RGL3: variants seen among roughly 807,000 people sequenced by gnomAD.
The protein encoded by RGL3 is ral guanine nucleotide dissociation stimulator like 3, also known as ral guanine nucleotide dissociation stimulator-like 3.
A neutral mutation model predicts 90.6 loss-of-function variants in RGL3; 85 were observed. The ratio of observed to expected loss-of-function variants is 0.94; its 90% CI spans 0.79 to 1.12. RGL3 has a LOEUF of 1.12. Among genes scored for constraint, RGL3 ranks in the 50% most tolerant of loss-of-function variants. The pLI is 0.00. For synonymous variants in RGL3, 408 were observed against 385.5 expected, an observed-to-expected ratio of 1.06 and a Z score of -0.68; for missense variants, 1,034 against 939.2, an observed-to-expected ratio of 1.10 and a Z score of -1.32.
Position 11,418,747 on chromosome 19 carries a change from C to G in RGL3, c.71G>C (p.Gly24Ala), listed in dbSNP as rs370581202. 2 of 1,574,668 alleles carry G rather than the reference C, an allele frequency of 1.3e-6. No homozygotes were observed. The highest frequency in any genetic ancestry group is 1.7e-6 in the Non-Finnish European group (2 of 1,164,338). ...LQDWGEETEDGAVYSVSLRRQ... is the reference protein window; with the variant it reads ...LQDWGEETEDAAVYSVSLRRQ... ...CCGCAGGGAGACACTGTACACCGCG[C>G]CGTCCTCGGTCTCTTCACCCCAGTC... Residue 24 changes from glycine to alanine, a missense_variant, in exon 2 of 19, where the codon GGC (glycine) becomes GCC (alanine). Coordinates refer to ENST00000380456, the MANE Select transcript of RGL3 (RefSeq NM_001035223.4).
chr19:11,407,687 C>A (rs62131148), intron 5 of RGL3, among the ~76,000 whole-genome samples: 9 of 146,610 alleles, frequency 6.1e-5, no homozygotes, highest in Admixed American at 2.7e-4. Context: ...CCTCTCTGTG[C>A]CTTTTTTTTT....
At chr19:11,418,650 C>T in intron 2 of RGL3, 21 bp downstream of exon 2, 1 of 1,522,266 alleles carries the variant, frequency 6.6e-7, no homozygotes. Context: ...CCCCGCGCCA[C>T]CCACCAAACC....
In RGL3 at chr19:11,418,653, ACCAAACCCCCT is replaced by A; in HGVS notation, c.147+7_147+17del. The A allele has an allele frequency of 6.5e-7, 1 of 1,527,486 alleles. No individual in the cohort carries two copies. The highest frequency in any genetic ancestry group is 8.8e-7 in the Non-Finnish European group (1 of 1,139,360). The allele number at this position is 1,527,486 out of a possible 1,614,324, so 94.6% of individuals were successfully genotyped here. A position where few individuals can be genotyped will look rare whatever the true frequency, so the allele number is the denominator to read the frequency against. ...GGTCGCTTCCGGCCCCGCGCCACCC[ACCAAACCCCCT>A]CCTCACCTGGCTGCCCCCGGGGCCC... is the stretch of plus-strand genomic sequence containing the variant. On this transcript the variant is annotated splice_region_variant and intron_variant, in intron 2 of 18. Transcript: ENST00000380456.
At chr19:11,409,243 G>A (rs909607722) in intron 5 of RGL3, among the ~76,000 whole-genome samples, 3 of 151,932 alleles carry the variant, frequency 2.0e-5, no homozygotes, top group African/African-American at 4.8e-5. Context: ...CACTTTGGGA[G>A]GCCAAGGCGG....
In RGL3 at chr19:11,397,295, G is replaced by A; in HGVS notation, c.1963C>T (p.Gln655Ter). The A allele has an allele frequency of 6.2e-7, 1 of 1,613,258 alleles. No individual in the cohort carries two copies. Among genetic ancestry groups the A allele is most frequent in the South Asian group, 1.1e-5 (1 of 90,978 alleles). Residue 655 changes from glutamine (Q) to a stop codon, truncating the protein, a stop_gained, in exon 18 of 19, where the codon CAG becomes TAG. Transcript: ENST00000380456. LOFTEE classifies it high-confidence loss of function. ...AGCTGATAGTCACAGGCCCAGGGCT[G>A]GGGCACATTGTGCTTCTGCAAGGCT... ...RRALQKHNVP[Q>*]PWACDYQLFQ...
At chr19:11,409,478 C>T (rs1968838481) in intron 5 of RGL3, among the ~76,000 whole-genome samples, 1 of 147,002 alleles carries the variant, frequency 6.8e-6, no homozygotes, top group Non-Finnish European at 1.5e-5. Context: ...GAGACTCCAT[C>T]TCAAAAAACA....
At chr19:11,409,218 C>T (rs998104398) in intron 5 of RGL3, among the ~76,000 whole-genome samples, 3 of 150,964 alleles carry the variant, frequency 2.0e-5, no homozygotes, top group African/African-American at 7.3e-5. Flanking sequence ...CAGTGGCTCA[C>T]GCCTGTAATC....
Position 11,417,105 on chromosome 19 carries a change from A to G in RGL3, c.148-46T>C, listed in dbSNP as rs116947576. 3.6e-3 allele frequency: 4,977 copies of G among 1,397,808 alleles called. 28 individuals carry two copies. Among genetic ancestry groups the G allele is most frequent in the East Asian group, 0.024 (1,035 of 43,070 alleles). The allele number at this position is 1,397,808 out of a possible 1,614,324, so 86.6% of individuals were successfully genotyped here. A position where few individuals can be genotyped will look rare whatever the true frequency, so the allele number is the denominator to read the frequency against. On this transcript the variant is annotated intron_variant, in intron 2 of 18. Coordinates refer to ENST00000380456, the MANE Select transcript of RGL3 (RefSeq NM_001035223.4). ...CCATGAGAGAGCAGGAGTGGTCCTC[A>G]CAGCACCCCTTCTCTAGTCACATTC...
At chr19:11,407,059 G>C (rs544041868) in intron 5 of RGL3, 195 bp from the exon 6 acceptor site, 21 of 513,316 alleles carry the variant, frequency 4.1e-5, no homozygotes, top group Non-Finnish European at 5.1e-5. Flanking sequence ...AATCTCAGCT[G>C]ACCACAACCT....
At chr19:11,394,672 T>C in intron 18 of RGL3, 152 bp from the exon 19 acceptor site, 2 of 629,140 alleles carry the variant, frequency 3.2e-6, no homozygotes, top group Non-Finnish European at 2.9e-6. Context: ...CTGCTGTCAC[T>C]GGGAACCTGG....
chr19:11,407,158 G>A (rs1204368780), intron 5 of RGL3, among the ~76,000 whole-genome samples: 1 of 151,948 alleles, frequency 6.6e-6, no homozygotes, highest in Non-Finnish European at 1.5e-5. Context: ...GCTAATTTTT[G>A]TATTTTTAAT....
chr19:11,409,181 A>G (rs1008084009), intron 5 of RGL3, among the ~76,000 whole-genome samples: 21 of 151,086 alleles, frequency 1.4e-4, no homozygotes, highest in Non-Finnish European at 1.8e-4. Context: ...AAAAAAAAAA[A>G]AAAAGAAAAG....
rs1969048158 is a variant in RGL3 at position 11,418,686 on chromosome 19, G to T, written c.132C>A (p.Gly44=). Reference sequence around the variant, plus strand: ...CCCTCCTCACCTGGCTGCCCCCGGGGCCCTCCGCCGGGCTCCTGCGCTGAC... The same window carrying T: ...CCCTCCTCACCTGGCTGCCCCCGGGTCCCTCCGCCGGGCTCCTGCGCTGAC... ...QRSQRRSPAE[G]PGGSQAPSPI... The change falls in exon 2 of 19, where the codon GGC becomes GGA. Residue 44 remains glycine (G), a synonymous_variant. Transcript: ENST00000380456. 4.5e-6 allele frequency: 7 copies of T among 1,557,680 alleles called. No individual in the cohort carries two copies. In the South Asian group the frequency reaches 5.9e-5, roughly 13 times the overall value.
intron 7 of RGL3, 106 bp downstream of exon 7, chr19:11,406,313 G>T: frequency 8.6e-7 from 1 of 1,157,256 alleles, no homozygotes; most frequent in South Asian, 1.5e-5. Context: ...TTTCCACCCC[G>T]TTCCCTCCCT....
chr19:11,399,716 C>A, intron 16 of RGL3, 139 bp downstream of exon 16: 2 of 487,574 alleles, frequency 4.1e-6, no homozygotes, highest in Non-Finnish European at 7.1e-6. Flanking sequence ...GGATGGATAC[C>A]CCGGGCGCTC....
rs550272734 is a variant in RGL3, at chr19:11,406,271, C to T, written c.996+148G>A. 11 of 801,986 alleles carry T rather than the reference C, an allele frequency of 1.4e-5. No homozygotes were observed. The East Asian group carries it at 3.0e-4, about 22-fold the overall frequency. 49.7% of individuals were successfully genotyped at this position (801,986 alleles called of 1,614,324 possible). On this transcript the variant is annotated intron_variant, in intron 7 of 18. Transcript: ENST00000380456. ...CTCTCTGCAGGACCCAGACCCTCCT[C>T]CCTGAACCCAAGTCTCACCCTAGGT...
intron 5 of RGL3, chr19:11,411,208 CAAAAAAAAAAAA>C (rs1031094432): frequency 2.1e-5 from 1 of 46,974 alleles, no homozygotes. Flanking sequence ...GACTCCATCT[CAAAAAAAAAAAA>C]AAAAAAAAAA....
rs376554874 is a variant in RGL3 at position 11,415,936 on chromosome 19, C to G, written c.637+1G>C. The G allele has an allele frequency of 4.2e-5, 67 of 1,610,642 alleles. No individual in the cohort carries two copies. The highest frequency in any genetic ancestry group is 5.6e-5 in the Non-Finnish European group (66 of 1,178,604). ...CACGACTGGATCTGAAAACCCCTCA[C>G]CTGTCCACACCTGAGGCGGCTCCTC... is the stretch of plus-strand genomic sequence containing the variant. On this transcript the variant is annotated splice_donor_variant, in intron 5 of 18. Transcript: ENST00000380456. LOFTEE classifies it high-confidence loss of function.
intron 5 of RGL3, among the ~76,000 whole-genome samples, chr19:11,407,428 G>A (rs940400944): frequency 1.3e-5 from 2 of 152,060 alleles, no homozygotes; most frequent in Non-Finnish European, 2.9e-5. Context: ...TTAAGGAAAG[G>A]GAGGCAAAGA....
Sources: gnomAD v4.1 joint callset for allele counts (sites outside exome capture counted in the v4.1 genomes callset) on GRCh38, gnomAD v4.1.1 for gene constraint, MANE v1.5 for transcripts, NCBI Gene and HGNC (gene_info 2026-07-23, HGNC 2026-07-21) for gene names.